CDH23: variants seen among roughly 807,000 people sequenced by gnomAD.
CDH23 encodes cadherin-23.
A neutral mutation model predicts 317.1 loss-of-function variants in CDH23; 189 were observed. The ratio of observed to expected loss-of-function variants is 0.60; its 90% CI spans 0.53 to 0.67. The LOEUF (loss-of-function observed/expected upper bound fraction) is 0.67, where lower values mean the gene tolerates loss of function less well. CDH23 is among the 30% of genes least tolerant of loss of function. CDH23 has a pLI of 0.00. For synonymous variants in CDH23, 1,839 were observed against 1,876.8 expected (o/e 0.98, Z 0.52); for missense variants, 4,401 against 4,592.4 (o/e 0.96, Z 1.20).
At chr10:71,562,653 G>A (rs1857193135) in intron 6 of CDH23, among the ~76,000 whole-genome samples, 1 of 152,234 alleles carries the variant, frequency 6.6e-6, no homozygotes, top group South Asian at 2.1e-4. Context: ...GAGCAAGTGG[G>A]GTGCCCATAG....
intron 48 of CDH23, chr10:71,795,626 C>T (rs1307881720): frequency 4.8e-6 from 1 of 207,152 alleles, no homozygotes; most frequent in Non-Finnish European, 8.5e-6. Context: ...CTGAGCTCTC[C>T]ACTCCAAATG....
Position 71,740,957 on chromosome 10 carries a change from G to T in CDH23, c.4617+7G>T. 6.2e-7 allele frequency: 1 copy of T among 1,613,896 alleles called. No homozygotes were observed. The highest frequency in any genetic ancestry group is 8.5e-7 in the Non-Finnish European group (1 of 1,179,848). On this transcript the variant is annotated splice_region_variant and intron_variant, in intron 37 of 69. Coordinates refer to ENST00000224721, the MANE Select transcript of CDH23 (RefSeq NM_022124.6). ...CAATGTCAGTGTGAATGAGGTGAGG[G>T]CAGCCCCGGGGCCCATATAGCTGGA...
intron 41 of CDH23, among the ~76,000 whole-genome samples, chr10:71,781,254 A>G (rs1157712086): frequency 1.3e-5 from 2 of 152,148 alleles, no homozygotes; most frequent in Non-Finnish European, 1.5e-5. Context: ...GGCCCAAGTG[A>G]CAGAATGAGA....
At chr10:71,720,045 C>T (rs1227130277) in intron 28 of CDH23, among the ~76,000 whole-genome samples, 4 of 152,238 alleles carry the variant, frequency 2.6e-5, no homozygotes, top group Non-Finnish European at 5.9e-5. Context: ...CGCTCACCTT[C>T]CCCTGTCGGA....
chr10:71,509,332 CT>C (rs1391863432), intron 3 of CDH23, among the ~76,000 whole-genome samples: 3 of 152,208 alleles, frequency 2.0e-5, no homozygotes, highest in Admixed American at 6.5e-5. Flanking sequence ...ACTAAACTGA[CT>C]TAGGCCAAAG....
At chr10:71,602,657 T>C (rs1239806049) in intron 9 of CDH23, among the ~76,000 whole-genome samples, 2 of 152,150 alleles carry the variant, frequency 1.3e-5, no homozygotes, top group East Asian at 1.9e-4. Context: ...CACCCCACCC[T>C]GCCCCGCTCT....
intron 1 of CDH23, among the ~76,000 whole-genome samples, chr10:71,439,318 T>TA (rs2132003525): frequency 1.3e-5 from 2 of 152,228 alleles, no homozygotes; most frequent in South Asian, 4.1e-4. Context: ...CAGGAAGAGA[T>TA]ATGCTCATTG....
In CDH23 at chr10:71,678,619, C is replaced by T. The variant is rs192085276; in HGVS notation, c.1753-768C>T. ...CCCGCCCAGCCTGGCCACGGCCCCC[C>T]GTACAACCCTGTCCTGCCCTGCCCT... is the stretch of plus-strand genomic sequence containing the variant. On this transcript the variant is annotated intron_variant, in intron 16 of 69. Transcript: ENST00000224721. Among the ~76,000 whole-genome samples the T allele has an allele frequency of 6.1e-4, 93 of 152,334 alleles. 1 individual carries two copies. Among genetic ancestry groups the T allele is most frequent in the Middle Eastern group, 3.4e-3 (1 of 294 alleles).
intron 48 of CDH23, 121 bp downstream of exon 48, chr10:71,793,761 C>G: frequency 1.3e-6 from 1 of 758,722 alleles, no homozygotes; most frequent in Non-Finnish European, 2.1e-6. Context: ...TCTCTTCTCT[C>G]CCCCTCCTCT....
In CDH23 at chr10:71,740,817, T is replaced by A. The variant is rs764801748; in HGVS notation, c.4489-5T>A. 7 of 1,613,768 alleles carry A rather than the reference T, an allele frequency of 4.3e-6. No individual in the cohort carries two copies. In the South Asian group the frequency reaches 4.4e-5, roughly 10 times the overall value. On this transcript the variant is annotated splice_region_variant and splice_polypyrimidine_tract_variant and intron_variant, in intron 36 of 69. Coordinates refer to ENST00000224721, the MANE Select transcript of CDH23 (RefSeq NM_022124.6). ...CCCTGACTCCAGTTGCCCTCCTCCT[T>A]GCAGGTTGTGGCTTCTGACCGAGGC...
intron 38 of CDH23, among the ~76,000 whole-genome samples, chr10:71,756,115 T>C (rs142550238): frequency 6.6e-6 from 1 of 152,310 alleles, no homozygotes; most frequent in East Asian, 1.9e-4. Flanking sequence ...ACGTGAATCC[T>C]TGTACAATGT....
intron 38 of CDH23, among the ~76,000 whole-genome samples, chr10:71,743,926 G>A (rs774083774): frequency 6.6e-5 from 10 of 152,160 alleles, no homozygotes; most frequent in Non-Finnish European, 1.5e-4. Flanking sequence ...ATAACTCTAG[G>A]CATCAAGTCA....
intron 11 of CDH23, among the ~76,000 whole-genome samples, chr10:71,622,704 T>A (rs1861527534): frequency 6.6e-6 from 1 of 152,216 alleles, no homozygotes; most frequent in Non-Finnish European, 1.5e-5. Context: ...ATGTCCTGCC[T>A]TCCTTCTCCA....
intron 1 of CDH23, among the ~76,000 whole-genome samples, chr10:71,415,442 G>A (rs1848494937): frequency 6.6e-6 from 1 of 152,044 alleles, no homozygotes; most frequent in Non-Finnish European, 1.5e-5. Flanking sequence ...TTAATCAATT[G>A]TATTGATCTT....
At chr10:71,682,625 G>T in intron 18 of CDH23, 53 bp downstream of exon 18, 1 of 1,599,476 alleles carries the variant, frequency 6.3e-7, no homozygotes, top group Non-Finnish European at 8.5e-7. Context: ...GATGGTGAGT[G>T]CTTCCTGTGA....
chr10:71,808,746 C>T (rs1468341157), intron 60 of CDH23, among the ~76,000 whole-genome samples: 1 of 152,140 alleles, frequency 6.6e-6, no homozygotes, highest in East Asian at 1.9e-4. Flanking sequence ...CCTCCTAATC[C>T]CTCTTTCTGT....
chr10:71,774,437 A>G (rs1193927121), intron 38 of CDH23, among the ~76,000 whole-genome samples: 1 of 152,050 alleles, frequency 6.6e-6, no homozygotes, highest in Non-Finnish European at 1.5e-5. Context: ...TTTTCCCGGC[A>G]AATCCTTACT....
Position 71,397,667 on chromosome 10 carries a change from T to C in CDH23, c.-6+349T>C, listed in dbSNP as rs1440129194. Among the ~76,000 whole-genome samples, 1 of 151,908 alleles carries C rather than the reference T, an allele frequency of 6.6e-6. No homozygotes were observed. The highest frequency in any genetic ancestry group is 2.4e-5 in the African/African-American group (1 of 41,366). On this transcript the variant is annotated intron_variant, in intron 1 of 69. Transcript: ENST00000224721. This position sits in a 1 kb window ranked among gnomAD's most constrained non-coding sequence, Gnocchi z 4.8. ...CTCGGCGCTACGGAGAGGGTCCAGGTCTGGGGTGGAGAGATTTTCGAGAGT... is the reference window on the plus strand; with the variant it reads ...CTCGGCGCTACGGAGAGGGTCCAGGCCTGGGGTGGAGAGATTTTCGAGAGT...
chr10:71,607,016 G>A (rs187929001), intron 9 of CDH23, among the ~76,000 whole-genome samples: 1 of 152,322 alleles, frequency 6.6e-6, no homozygotes, highest in East Asian at 1.9e-4. Flanking sequence ...ATGTAGCCCA[G>A]CCCAGATGCC....
Sources: gnomAD v4.1 joint callset for allele counts (sites outside exome capture counted in the v4.1 genomes callset) on GRCh38, gnomAD v4.1.1 for gene constraint, Gnocchi (gnomAD v3.1) non-coding constraint, MANE v1.5 for transcripts, NCBI Gene and HGNC (gene_info 2026-07-23, HGNC 2026-07-21) for gene names.